Variants in CDH2 observed in about 807,000 individuals in gnomAD.
CDH2 encodes cadherin 2, also known as cadherin-2.
Under a neutral mutation model 92.0 loss-of-function variants are expected in CDH2, and 17 were observed. The ratio of observed to expected loss-of-function variants is 0.18; its 90% confidence interval spans 0.13 to 0.28. The LOEUF is 0.28. CDH2 is among the 10% of genes least tolerant of loss of function. The pLI is 1.00. For missense variants in CDH2, 862 were observed against 1,133.1 expected, an observed-to-expected ratio of 0.76 and a Z score of 3.44; for synonymous variants, 419 against 415.9, an observed-to-expected ratio of 1.01 and a Z score of -0.09.
chr18:27,970,019 A>C (rs1411345601), intron 14 of CDH2, among the ~76,000 whole-genome samples: 2 of 151,770 alleles, frequency 1.3e-5, no homozygotes, highest in Non-Finnish European at 2.9e-5. Flanking sequence ...AATAATAAAA[A>C]AATTAAAATA....
intron 2 of CDH2, among the ~76,000 whole-genome samples, chr18:28,131,957 G>A (rs1023530392): frequency 6.6e-6 from 1 of 152,128 alleles, no homozygotes; most frequent in Non-Finnish European, 1.5e-5. Flanking sequence ...GCCAGGACTC[G>A]TCAGGCATTG....
chr18:28,013,607 A>T, intron 3 of CDH2, 76 bp downstream of exon 3: 1 of 1,035,540 alleles, frequency 9.7e-7, no homozygotes, highest in Non-Finnish European at 1.5e-6. Flanking sequence ...TGTGGTCTGA[A>T]GCAAAGCATA....
At chr18:28,167,022 T>G (rs1476995152) in intron 1 of CDH2, among the ~76,000 whole-genome samples, 1 of 152,106 alleles carries the variant, frequency 6.6e-6, no homozygotes, top group Non-Finnish European at 1.5e-5. Context: ...CAATGTACCC[T>G]TTCCAAAATT....
intron 14 of CDH2, among the ~76,000 whole-genome samples, chr18:27,964,855 T>C (rs2011497626): frequency 6.6e-6 from 1 of 152,140 alleles, no homozygotes; most frequent in Admixed American, 6.5e-5. Context: ...CAATCATCTA[T>C]GAGTAAATCA....
chr18:28,140,616 AATCTGCAAGCACTTTGATCTTGGAT>A (rs2015936548), intron 2 of CDH2, among the ~76,000 whole-genome samples: 1 of 151,874 alleles, frequency 6.6e-6, no homozygotes, highest in Admixed American at 6.6e-5. Flanking sequence ...CCAGACACTG[AATCTGCAAGCACTTTGATCTTGGAT>A]TCCTCAGCCT....
Position 27,965,990 on chromosome 18 carries a change from G to GAAAAA in CDH2, c.2350-2474_2350-2470dup, listed in dbSNP as rs373927434. Among the ~76,000 whole-genome samples the GAAAAA allele has an allele frequency of 3.2e-4, 19 of 58,658 alleles. 1 individual carries two copies. The highest frequency in any genetic ancestry group is 9.5e-4 in the African/African-American group (13 of 13,694). The allele number at this position is 58,658 out of a possible 152,430, so 38.5% of individuals were successfully genotyped here. A position where few individuals can be genotyped will look rare whatever the true frequency, so the allele number is the denominator to read the frequency against. ...GCGACAGAAAGACTCTGTCTAAAAG[G>GAAAAA]AAAAAAAAAAAAAAAAAAAAAAAAA... On this transcript the variant is annotated intron_variant, in intron 14 of 15. Transcript: ENST00000269141.
intron 2 of CDH2, among the ~76,000 whole-genome samples, chr18:28,051,728 T>C (rs1219374154): frequency 6.6e-6 from 1 of 152,142 alleles, no homozygotes; most frequent in Non-Finnish European, 1.5e-5. Flanking sequence ...CAGCTAAGAA[T>C]GCCTCTAAAT....
downstream of CDH2, among the ~76,000 whole-genome samples, chr18:27,948,629 C>A (rs17493021): frequency 6.6e-6 from 1 of 151,852 alleles, no homozygotes; most frequent in East Asian, 1.9e-4. Flanking sequence ...AAATAAAATA[C>A]GTAATTCAAA....
intron 11 of CDH2, among the ~76,000 whole-genome samples, chr18:27,986,118 C>T (rs1272262731): frequency 6.6e-6 from 1 of 152,074 alleles, no homozygotes; most frequent in South Asian, 2.1e-4. Context: ...ACACAGGGCT[C>T]GTGATCCTGT....
At chr18:28,076,532 C>G (rs1270904141) in intron 2 of CDH2, among the ~76,000 whole-genome samples, 1 of 151,984 alleles carries the variant, frequency 6.6e-6, no homozygotes, top group Non-Finnish European at 1.5e-5. Context: ...ATTTTAGATA[C>G]AGTTTTTTTT....
intron 2 of CDH2, among the ~76,000 whole-genome samples, chr18:28,078,244 C>G (rs898122406): frequency 6.6e-6 from 1 of 152,084 alleles, no homozygotes; most frequent in African/African-American, 2.4e-5. Context: ...GATCCTCCAG[C>G]GCTGAGAGAA....
At chr18:28,019,574 C>T (rs1355314596) in intron 2 of CDH2, among the ~76,000 whole-genome samples, 2 of 151,964 alleles carry the variant, frequency 1.3e-5, no homozygotes, top group Non-Finnish European at 2.9e-5. Flanking sequence ...ACTTACTGCA[C>T]ATCCTATGAA....
At chr18:27,974,196 A>G (rs2011749385) in intron 14 of CDH2, among the ~76,000 whole-genome samples, 1 of 152,158 alleles carries the variant, frequency 6.6e-6, no homozygotes, top group African/African-American at 2.4e-5. Context: ...TGTTAATCTA[A>G]GACTTACTTA....
intron 14 of CDH2, among the ~76,000 whole-genome samples, chr18:27,978,393 C>A (rs2011921566): frequency 6.6e-6 from 1 of 152,098 alleles, no homozygotes; most frequent in Non-Finnish European, 1.5e-5. Context: ...GGAAGCTAAC[C>A]CACAAAGCCG....
chr18:28,113,227 T>C (rs948614767), intron 2 of CDH2, among the ~76,000 whole-genome samples: 11 of 152,180 alleles, frequency 7.2e-5, no homozygotes, highest in African/African-American at 2.2e-4. Context: ...TGGATTTTAA[T>C]AGCATATTTT....
At chr18:27,980,966 T>A (rs924398467) in intron 14 of CDH2, among the ~76,000 whole-genome samples, 1 of 152,282 alleles carries the variant, frequency 6.6e-6, no homozygotes, top group African/African-American at 2.4e-5. Context: ...ATAAAATAAG[T>A]CTTTCCTAAC....
rs142589795 is a variant in CDH2, at chr18:28,003,152, C to T, written c.865G>A (p.Val289Ile). The T allele has an allele frequency of 6.9e-4, 1,119 of 1,613,500 alleles. No homozygotes were observed. The highest frequency in any genetic ancestry group is 9.0e-4 in the Non-Finnish European group (1,060 of 1,179,660). Residue 289 changes from valine (V) to isoleucine (I), a missense_variant, in exon 7 of 16, where the codon GTA becomes ATA. Around this residue, in one of 5 missense-constraint regions of CDH2, gnomAD observed 564 missense variants for 722.2 expected, o/e 0.78. Transcript: ENST00000269141. ...GGATCGTCAGCATCAATTGCTGTTA[C>T]GGTCATCACATATGTTCCTAGAGAC... Reference protein sequence around the residue: ...GSKPGTYVMTVTAIDADDPNA... With the variant: ...GSKPGTYVMTITAIDADDPNA...
intron 2 of CDH2, among the ~76,000 whole-genome samples, chr18:28,100,014 C>T (rs1329975778): frequency 6.6e-6 from 1 of 152,012 alleles, no homozygotes; most frequent in African/African-American, 2.4e-5. Context: ...TTCATCCATC[C>T]ATCCACCCAT....
In CDH2 at chr18:27,985,610, A is replaced by G; in HGVS notation, c.1893T>C (p.Asp631=). ...CAAAAGCAAATGGTCCAGCATTTGG[A>G]TCAATGTCATAATCAAGTGCTGTAA... ...INITALDYDI[D]PNAGPFAFDL... The change falls in exon 12 of 16, where the codon GAT becomes GAC. Residue 631 remains aspartate (D), a synonymous_variant. Coordinates refer to ENST00000269141, the MANE Select transcript of CDH2 (RefSeq NM_001792.5). 1 of 1,613,916 alleles carries G rather than the reference A, an allele frequency of 6.2e-7. No homozygotes were observed. Among genetic ancestry groups the G allele is most frequent in the Non-Finnish European group, 8.5e-7 (1 of 1,179,770 alleles).
Sources: allele counts gnomAD v4.1 joint callset (sites outside exome capture counted in the v4.1 genomes callset), GRCh38; gene constraint gnomAD v4.1.1; regional missense constraint gnomAD v4.1.1; transcripts MANE v1.5; gene names NCBI Gene and HGNC (gene_info 2026-07-23, HGNC 2026-07-21).